ROBO2: variants seen among roughly 807,000 people sequenced by gnomAD.
The protein encoded by ROBO2 is roundabout homolog 2.
Under a neutral mutation model 160.8 loss-of-function variants are expected in ROBO2, and 53 were observed. That is an observed-to-expected ratio of 0.33 (90% confidence interval 0.26 to 0.41). ROBO2 has a LOEUF of 0.41. ROBO2 is among the 10% of genes least tolerant of loss of function. The probability of loss-of-function intolerance (pLI) is 1.00; values close to 1 mark genes in which losing one functional copy is unlikely to be tolerated. For missense variants in ROBO2, 1,577 were observed against 1,722.4 expected (o/e 0.92, Z 1.49); for synonymous variants, 664 against 611.7 (o/e 1.09, Z -1.26).
Position 76,632,863 on chromosome 3 carries a change from G to A in ROBO2, c.110-465151G>A, listed in dbSNP as rs1397687580. 2.6e-5 allele frequency among the ~76,000 whole-genome samples: 4 copies of A among 152,160 alleles called. No homozygotes were observed. The East Asian group carries it at 7.7e-4, about 29-fold the overall frequency. ...CATATATTATGCTAAATTGCTGGAGGATCCATTGCTGTCACGATAACAATA... is the reference window on the plus strand; with the variant it reads ...CATATATTATGCTAAATTGCTGGAGAATCCATTGCTGTCACGATAACAATA... On this transcript the variant is annotated intron_variant, in intron 2 of 26. Transcript: ENST00000487694.
chr3:76,674,308 G>A (rs529220905), intron 2 of ROBO2, among the ~76,000 whole-genome samples: 2 of 151,872 alleles, frequency 1.3e-5, no homozygotes, highest in African/African-American at 4.8e-5. Context: ...AGAGCAACTC[G>A]TCAGATGCTG....
chr3:77,517,441 A>G (rs956879512), intron 5 of ROBO2, among the ~76,000 whole-genome samples: 21 of 151,580 alleles, frequency 1.4e-4, no homozygotes, highest in Non-Finnish European at 1.2e-4. Flanking sequence ...AAAACTTTAA[A>G]CACCGTAAAT....
intron 23 of ROBO2, chr3:77,630,070 A>C (rs1409572573): frequency 6.6e-6 from 1 of 152,236 alleles, no homozygotes; most frequent in Admixed American, 6.5e-5. Flanking sequence ...TGGTGATAAC[A>C]GAAATGGCAT....
chr3:76,487,923 T>C (rs557837856), intron 2 of ROBO2, among the ~76,000 whole-genome samples: 1 of 152,234 alleles, frequency 6.6e-6, no homozygotes, highest in African/African-American at 2.4e-5. Context: ...TCTCTCTGAG[T>C]TTAGCCTGCA....
chr3:76,478,442 G>A (rs1577483886), intron 2 of ROBO2, among the ~76,000 whole-genome samples: 2 of 151,638 alleles, frequency 1.3e-5, no homozygotes, highest in Middle Eastern at 3.4e-3. Flanking sequence ...TGGACATTTG[G>A]GTTGGTTCCA....
intron 2 of ROBO2, among the ~76,000 whole-genome samples, chr3:76,995,014 T>C (rs2060907722): frequency 1.3e-5 from 2 of 152,158 alleles, no homozygotes; most frequent in Admixed American, 6.6e-5. Flanking sequence ...GTTTGTTACA[T>C]AGGTATACAT....
intron 6 of ROBO2, among the ~76,000 whole-genome samples, chr3:77,525,519 A>G (rs965852535): frequency 2.0e-5 from 3 of 151,156 alleles, no homozygotes; most frequent in Non-Finnish European, 3.0e-5. Flanking sequence ...CCAGTCAACA[A>G]CAAACCTCCT....
At chr3:76,275,497 A>G (rs1435145216) in intron 2 of ROBO2, among the ~76,000 whole-genome samples, 2 of 152,130 alleles carry the variant, frequency 1.3e-5, no homozygotes, top group Non-Finnish European at 1.5e-5. Flanking sequence ...TGAAGTAACT[A>G]TGACTTTCAC....
chr3:76,492,286 A>C (rs189119710), intron 2 of ROBO2, among the ~76,000 whole-genome samples: 1 of 152,268 alleles, frequency 6.6e-6, no homozygotes, highest in East Asian at 1.9e-4. Flanking sequence ...TTTGTTATTG[A>C]GAATAGATGA....
intron 2 of ROBO2, among the ~76,000 whole-genome samples, chr3:76,440,884 T>TCATGTGG (rs11278651): frequency 4.0e-5 from 6 of 151,790 alleles, no homozygotes; most frequent in African/African-American, 9.7e-5. Context: ...AACACAAACT[T>TCATGTGG]CATGTGGCAT....
chr3:76,836,842 A>G (rs2067737176), intron 2 of ROBO2, among the ~76,000 whole-genome samples: 1 of 151,864 alleles, frequency 6.6e-6, no homozygotes, highest in Non-Finnish European at 1.5e-5. Flanking sequence ...TAAAAACTTG[A>G]ATATGTATTC....
At chr3:77,412,967 A>G (rs1240530417) in intron 2 of ROBO2, among the ~76,000 whole-genome samples, 1 of 152,144 alleles carries the variant, frequency 6.6e-6, no homozygotes, top group Non-Finnish European at 1.5e-5. Flanking sequence ...CTGTAATCCC[A>G]GCGCTTTGGG....
chr3:76,864,794 A>G (rs1419296786), intron 2 of ROBO2, among the ~76,000 whole-genome samples: 1 of 152,102 alleles, frequency 6.6e-6, no homozygotes, highest in African/African-American at 2.4e-5. Context: ...AACTAAAATC[A>G]ATAATGATCT....
intron 2 of ROBO2, among the ~76,000 whole-genome samples, chr3:76,757,003 G>A (rs2061013000): frequency 6.6e-6 from 1 of 151,808 alleles, no homozygotes; most frequent in African/African-American, 2.4e-5. Context: ...GATGTCCAAA[G>A]GCCTTGGAGA....
intron 2 of ROBO2, among the ~76,000 whole-genome samples, chr3:76,213,812 C>T (rs1703309486): frequency 6.6e-6 from 1 of 152,004 alleles, no homozygotes; most frequent in Non-Finnish European, 1.5e-5. Flanking sequence ...ATAAATTAAG[C>T]AAAGGAATAC....
At chr3:76,243,236 C>G (rs1029320275) in intron 2 of ROBO2, among the ~76,000 whole-genome samples, 2 of 152,070 alleles carry the variant, frequency 1.3e-5, no homozygotes, top group Non-Finnish European at 2.9e-5. Context: ...TATTTTGAAC[C>G]CTGTGCTGCA....
At chr3:75,908,225 T>C (rs1231247429) in intron 1 of ROBO2, among the ~76,000 whole-genome samples, 2 of 152,158 alleles carry the variant, frequency 1.3e-5, no homozygotes, top group East Asian at 3.9e-4. Flanking sequence ...AATTCTCTTT[T>C]AGGATCCAAT....
chr3:77,207,886 A>G (rs2083622564), intron 2 of ROBO2, among the ~76,000 whole-genome samples: 1 of 152,170 alleles, frequency 6.6e-6, no homozygotes, highest in South Asian at 2.1e-4. Flanking sequence ...GCTGCTTTTC[A>G]AAACGCGTGG....
At chr3:76,302,587 T>G (rs1287787619) in intron 2 of ROBO2, among the ~76,000 whole-genome samples, 1 of 152,082 alleles carries the variant, frequency 6.6e-6, no homozygotes, top group Non-Finnish European at 1.5e-5. Flanking sequence ...CCATAAAATC[T>G]TAATACCATA....
Sources: allele counts gnomAD v4.1 joint callset (sites outside exome capture counted in the v4.1 genomes callset), GRCh38; gene constraint gnomAD v4.1.1; transcripts MANE v1.5; gene names NCBI Gene and HGNC (gene_info 2026-07-23, HGNC 2026-07-21).